The following ZFPM2 variants were observed in gnomAD, a reference collection of about 807,000 sequenced individuals.
ZFPM2 encodes the protein zinc finger protein ZFPM2.
A neutral mutation model predicts 98.6 loss-of-function variants in ZFPM2; 20 were observed. The observed-to-expected ratio is 0.20, with a 90% CI of 0.14 to 0.29. ZFPM2 has a LOEUF of 0.29. Among genes scored for constraint, ZFPM2 ranks in the 10% least tolerant of loss-of-function variants. ZFPM2 has a pLI of 1.00. For missense variants in ZFPM2, 1,310 were observed against 1,388.6 expected, an observed-to-expected ratio of 0.94 and a Z score of 0.90; for synonymous variants, 518 against 502.7, an observed-to-expected ratio of 1.03 and a Z score of -0.41.
intron 3 of ZFPM2, among the ~76,000 whole-genome samples, chr8:105,497,418 T>G (rs1375239163): frequency 1.3e-5 from 2 of 152,088 alleles, no homozygotes; most frequent in South Asian, 4.1e-4. Flanking sequence ...TTGAGTAACA[T>G]GATATATGGT....
intron 1 of ZFPM2, among the ~76,000 whole-genome samples, chr8:105,416,374 C>G (rs932493056): frequency 5.9e-4 from 90 of 151,360 alleles, no homozygotes; most frequent in Non-Finnish European, 1.2e-3. Flanking sequence ...TAGTAAAATC[C>G]TCTTCTAAAA....
chr8:105,602,941 C>T (rs1482052793), intron 4 of ZFPM2, among the ~76,000 whole-genome samples: 1 of 152,050 alleles, frequency 6.6e-6, no homozygotes, highest in Non-Finnish European at 1.5e-5. Context: ...CAGATTTATT[C>T]TGAAAAGCTT....
intron 5 of ZFPM2, among the ~76,000 whole-genome samples, chr8:105,779,311 A>T (rs1586257632): frequency 1.3e-5 from 2 of 152,202 alleles, no homozygotes; most frequent in African/African-American, 4.8e-5. Context: ...GCTTAGGTCC[A>T]TATCTTGATG....
At chr8:105,343,714 A>G (rs1218360917) in intron 1 of ZFPM2, among the ~76,000 whole-genome samples, 1 of 152,112 alleles carries the variant, frequency 6.6e-6, no homozygotes, top group Non-Finnish European at 1.5e-5. Context: ...CACTTGCTAC[A>G]TTTATTATTT....
At chr8:105,593,024 A>G (rs1410944119) in intron 4 of ZFPM2, among the ~76,000 whole-genome samples, 1 of 152,164 alleles carries the variant, frequency 6.6e-6, no homozygotes, top group East Asian at 1.9e-4. Flanking sequence ...GCTAGCTAGA[A>G]ATACTGAACT....
intron 3 of ZFPM2, among the ~76,000 whole-genome samples, chr8:105,505,539 T>C (rs1813681173): frequency 6.7e-6 from 1 of 148,978 alleles, no homozygotes. Flanking sequence ...TAAAACATAC[T>C]TTTTTTTTTC....
chr8:105,679,908 CTT>C (rs1440249066), intron 5 of ZFPM2, among the ~76,000 whole-genome samples: 1 of 151,622 alleles, frequency 6.6e-6, no homozygotes, highest in African/African-American at 2.4e-5. Context: ...GGAAAATAGA[CTT>C]TATATTTCTT....
intron 3 of ZFPM2, among the ~76,000 whole-genome samples, chr8:105,468,269 C>T (rs1416159696): frequency 1.3e-5 from 2 of 152,026 alleles, no homozygotes; most frequent in Non-Finnish European, 2.9e-5. Context: ...TCTCTTTGCT[C>T]TTAGAGTTCC....
intron 5 of ZFPM2, among the ~76,000 whole-genome samples, chr8:105,697,600 C>G (rs1280971729): frequency 6.6e-6 from 1 of 152,094 alleles, no homozygotes; most frequent in Admixed American, 6.6e-5. Context: ...CCCTCTTTAG[C>G]TTTATATTTA....
At chr8:105,494,621 A>C (rs1813424691) in intron 3 of ZFPM2, among the ~76,000 whole-genome samples, 2 of 152,108 alleles carry the variant, frequency 1.3e-5, no homozygotes, top group Admixed American at 6.6e-5. Flanking sequence ...CTGATTCTCA[A>C]AGTGTGGTCT....
intron 3 of ZFPM2, among the ~76,000 whole-genome samples, chr8:105,495,367 C>G (rs1046054400): frequency 2.6e-5 from 4 of 152,146 alleles, no homozygotes; most frequent in African/African-American, 9.7e-5. Context: ...GCACATTGTG[C>G]ACATGTACCC....
intron 1 of ZFPM2, among the ~76,000 whole-genome samples, chr8:105,330,699 G>T (rs1812217520): frequency 6.8e-6 from 1 of 146,626 alleles, no homozygotes; most frequent in East Asian, 2.0e-4. Flanking sequence ...AAAAACTTTT[G>T]CAGAAAAGAT....
chr8:105,646,995 G>A (rs1817060999), intron 5 of ZFPM2, among the ~76,000 whole-genome samples: 1 of 152,126 alleles, frequency 6.6e-6, no homozygotes. Context: ...GGCTGGGCCT[G>A]GAGGGAAACA....
At chr8:105,623,266 A>G (rs764468037) in intron 4 of ZFPM2, among the ~76,000 whole-genome samples, 4 of 152,164 alleles carry the variant, frequency 2.6e-5, no homozygotes, top group Admixed American at 6.6e-5. Context: ...CCTATGATAT[A>G]GTTTAATAAT....
intron 5 of ZFPM2, among the ~76,000 whole-genome samples, chr8:105,721,168 C>T (rs1487956154): frequency 1.3e-5 from 2 of 151,790 alleles, no homozygotes; most frequent in Non-Finnish European, 2.9e-5. Context: ...CCCTGCAGAT[C>T]CCACAGATGG....
intron 5 of ZFPM2, among the ~76,000 whole-genome samples, chr8:105,751,740 A>AT (rs973206865): frequency 1.6e-4 from 24 of 151,736 alleles, no homozygotes; most frequent in Admixed American, 1.2e-3. Flanking sequence ...GGCTACGTTT[A>AT]TGTAGCTTTT....
intron 3 of ZFPM2, among the ~76,000 whole-genome samples, chr8:105,460,375 A>G (rs1380654410): frequency 6.6e-6 from 1 of 152,180 alleles, no homozygotes; most frequent in East Asian, 1.9e-4. Context: ...TGAGGGAAGA[A>G]CACATAGGAA....
intron 3 of ZFPM2, among the ~76,000 whole-genome samples, chr8:105,545,755 A>G (rs1814681579): frequency 1.3e-5 from 2 of 152,212 alleles, no homozygotes; most frequent in Non-Finnish European, 2.9e-5. Context: ...ATTGAGAAGA[A>G]TTGAGGAAGG....
chr8:105,425,488 A>G (rs186704409), intron 2 of ZFPM2, among the ~76,000 whole-genome samples: 1 of 152,112 alleles, frequency 6.6e-6, no homozygotes, highest in Non-Finnish European at 1.5e-5. Context: ...CCCTTCCATA[A>G]TAGCAGAGTT....
Sources: allele counts gnomAD v4.1 joint callset (sites outside exome capture counted in the v4.1 genomes callset), GRCh38; gene constraint gnomAD v4.1.1; transcripts MANE v1.5; gene names NCBI Gene and HGNC (gene_info 2026-07-23, HGNC 2026-07-21).